Variants in GNAI1 observed in about 807,000 individuals in gnomAD.
GNAI1 encodes the protein G protein subunit alpha i1.
A neutral mutation model predicts 38.9 loss-of-function variants in GNAI1; 11 were observed. The ratio of observed to expected loss-of-function variants is 0.28; its 90% CI spans 0.18 to 0.47. GNAI1 has a LOEUF of 0.47. GNAI1 is among the 20% of genes least tolerant of loss of function. The pLI, the probability that GNAI1 is intolerant of heterozygous loss-of-function variation, is 0.99. For synonymous variants in GNAI1, 166 were observed against 145.1 expected, an observed-to-expected ratio of 1.14 and a Z score of -1.04; for missense variants, 317 against 436.9, an observed-to-expected ratio of 0.73 and a Z score of 2.45.
chr7:80,185,113 G>GAGT (rs1788366356), intron 1 of GNAI1, among the ~76,000 whole-genome samples: 1 of 152,142 alleles, frequency 6.6e-6, no homozygotes, highest in Non-Finnish European at 1.5e-5. Flanking sequence ...CAACTTGGCT[G>GAGT]AGTACTACTG....
intron 1 of GNAI1, among the ~76,000 whole-genome samples, chr7:80,165,725 G>A (rs969488334): frequency 2.6e-5 from 4 of 151,800 alleles, no homozygotes; most frequent in Non-Finnish European, 5.9e-5. Flanking sequence ...GTAGTTTTTA[G>A]TATAATAGTT....
At chr7:80,185,385 G>A (rs568487565) in intron 1 of GNAI1, among the ~76,000 whole-genome samples, 2 of 152,220 alleles carry the variant, frequency 1.3e-5, no homozygotes, top group Admixed American at 1.3e-4. Context: ...TTTTGTTTAA[G>A]AATTGTTTAA....
intron 1 of GNAI1, among the ~76,000 whole-genome samples, chr7:80,158,694 C>G (rs1349475480): frequency 4.6e-5 from 7 of 152,182 alleles, no homozygotes; most frequent in Non-Finnish European, 5.9e-5. Flanking sequence ...TACCCAGTCT[C>G]AGGTATGTCT....
rs891857944 is a variant in GNAI1, at chr7:80,222,123, G to C, written c.*4630G>C. On this transcript the variant is annotated 3_prime_UTR_variant, in exon 8 of 8. Transcript: ENST00000649796. ...GTTGGATTTTGTAGTTACTTTAAAA[G>C]TTACGAAATTTCACATTTCATCAAG... Among the ~76,000 whole-genome samples, 1 of 149,402 alleles carries C rather than the reference G, an allele frequency of 6.7e-6. No homozygotes were observed. The highest frequency in any genetic ancestry group is 1.5e-5 in the Non-Finnish European group (1 of 66,944).
At chr7:80,213,632 T>A (rs951971552) in intron 7 of GNAI1, among the ~76,000 whole-genome samples, 1 of 152,160 alleles carries the variant, frequency 6.6e-6, no homozygotes, top group Non-Finnish European at 1.5e-5. Flanking sequence ...AGCTAATTAC[T>A]GCCCCCTGCA....
intron 3 of GNAI1, among the ~76,000 whole-genome samples, chr7:80,193,008 TG>T (rs1179062192): frequency 1.2e-5 from 1 of 82,668 alleles, no homozygotes; most frequent in African/African-American, 4.9e-5. Flanking sequence ...CTTGTTTTAT[TG>T]TTTTTTTTTT....
At chr7:80,161,950 C>T (rs1787930875) in intron 1 of GNAI1, among the ~76,000 whole-genome samples, 1 of 152,020 alleles carries the variant, frequency 6.6e-6, no homozygotes, top group Non-Finnish European at 1.5e-5. Flanking sequence ...TCTATAAATA[C>T]CAGGTTATTT....
intron 1 of GNAI1, among the ~76,000 whole-genome samples, chr7:80,137,445 C>T (rs892662964): frequency 1.3e-5 from 2 of 150,982 alleles, no homozygotes; most frequent in African/African-American, 4.9e-5. Flanking sequence ...CTCAGCCTCC[C>T]GAGTACCCGG....
chr7:80,178,920 T>C (rs574899842), intron 1 of GNAI1, among the ~76,000 whole-genome samples: 1 of 152,340 alleles, frequency 6.6e-6, no homozygotes, highest in Admixed American at 6.5e-5. Flanking sequence ...TCCATAATTA[T>C]ACTTAAATGT....
chr7:80,148,423 T>G (rs1389425331), intron 1 of GNAI1, among the ~76,000 whole-genome samples: 2 of 152,078 alleles, frequency 1.3e-5, no homozygotes, highest in Non-Finnish European at 2.9e-5. Flanking sequence ...TTTTGGAGAA[T>G]CGGTAGGACT....
intron 1 of GNAI1, 25 bp downstream of exon 1, chr7:80,135,303 G>A: frequency 7.9e-7 from 1 of 1,273,508 alleles, no homozygotes; most frequent in East Asian, 3.1e-5. Flanking sequence ...GTCGGGGCCC[G>A]GGGGTCGGCG....
chr7:80,204,153 T>C (rs113025749), intron 5 of GNAI1, among the ~76,000 whole-genome samples: 17 of 152,226 alleles, frequency 1.1e-4, no homozygotes, highest in African/African-American at 3.1e-4. Context: ...TTTCGGAAAG[T>C]GTTGCCATCT....
chr7:80,210,702 G>GT (rs1317082446), intron 5 of GNAI1, among the ~76,000 whole-genome samples: 6 of 141,564 alleles, frequency 4.2e-5, no homozygotes, highest in South Asian at 2.3e-4. Context: ...TTAATGTCTC[G>GT]TTTTTTTGAG....
At chr7:80,217,202 A>ATGAAACTGACTTCAGTTTCATATGTT in intron 7 of GNAI1, 101 bp from the exon 8 acceptor site, 1 of 723,120 alleles carries the variant, frequency 1.4e-6, no homozygotes, top group East Asian at 2.8e-5. Context: ...ATGAAACTGT[A>ATGAAACTGACTTCAGTTTCATATGTT]TGAAACTGAC....
intron 1 of GNAI1, among the ~76,000 whole-genome samples, chr7:80,166,812 A>G (rs1372657038): frequency 6.6e-6 from 1 of 152,194 alleles, no homozygotes; most frequent in Non-Finnish European, 1.5e-5. Flanking sequence ...ACATGTGTAT[A>G]CCTGTGGTTC....
chr7:80,196,968 T>C (rs1289908597), intron 3 of GNAI1, among the ~76,000 whole-genome samples: 1 of 151,954 alleles, frequency 6.6e-6, no homozygotes, highest in Admixed American at 6.6e-5. Flanking sequence ...TCGAATACAG[T>C]ACTTTTTAAT....
Position 80,199,238 on chromosome 7 carries a change from A to T in GNAI1, c.317A>T (p.Gln106Leu). ...TTGAATGTTCAGGATGATGCACGCC[A>T]ACTCTTTGTGCTAGCTGGAGCTGCT... is the stretch of plus-strand genomic sequence containing the variant. ...GDSARADDAR[Q>L]LFVLAGAAEE... The change falls in exon 4 of 8, where the codon CAA becomes CTA. Residue 106 changes from glutamine to leucine, a missense_variant. Physicochemically the swap from Gln to Leu is moderately radical, Grantham distance 113. Around this residue, in one of 5 missense-constraint regions of GNAI1, gnomAD observed 67 missense variants for 61.5 expected, o/e 1.09. Coordinates refer to ENST00000649796, the MANE Select transcript of GNAI1 (RefSeq NM_002069.6). 2 of 1,611,376 alleles carry T rather than the reference A, an allele frequency of 1.2e-6. No homozygotes were observed. Among genetic ancestry groups the T allele is most frequent in the Non-Finnish European group, 8.5e-7 (1 of 1,178,650 alleles).
rs189378632 is a variant in GNAI1, at chr7:80,164,448, C to T, written c.119-24503C>T. ...TGTAATCTCGGCTCACTGCAAGCTC[C>T]GCCTCCTGGGTTATGCCATTCTCCT... On this transcript the variant is annotated intron_variant, in intron 1 of 7. Coordinates refer to ENST00000649796, the MANE Select transcript of GNAI1 (RefSeq NM_002069.6). Among the ~76,000 whole-genome samples, 413 of 151,686 alleles carry T rather than the reference C, an allele frequency of 2.7e-3. 1 individual carries two copies. Among genetic ancestry groups the T allele is most frequent in the Middle Eastern group, 0.014 (4 of 294 alleles).
intron 1 of GNAI1, among the ~76,000 whole-genome samples, chr7:80,188,443 TG>T (rs1788425167): frequency 6.6e-6 from 1 of 152,192 alleles, no homozygotes; most frequent in Non-Finnish European, 1.5e-5. Flanking sequence ...TTATTTGAGT[TG>T]ATTGACTTTA....
Sources: gnomAD v4.1 joint callset for allele counts (sites outside exome capture counted in the v4.1 genomes callset) on GRCh38, gnomAD v4.1.1 for gene constraint, gnomAD v4.1.1 regional missense constraint, MANE v1.5 for transcripts, NCBI Gene and HGNC (gene_info 2026-07-23, HGNC 2026-07-21) for gene names.